MAP3K7CL: variants seen among roughly 807,000 people sequenced by gnomAD.
MAP3K7CL encodes MAP3K7 C-terminal-like protein.
Under a neutral mutation model 18.6 loss-of-function variants are expected in MAP3K7CL, and 16 were observed. The observed-to-expected ratio is 0.86, with a 90% confidence interval of 0.58 to 1.31. MAP3K7CL has a LOEUF of 1.31. Among genes scored for constraint, MAP3K7CL ranks in the 50% most tolerant of loss-of-function variants. The pLI, the probability that MAP3K7CL is intolerant of heterozygous loss-of-function variation, is 0.00. For synonymous variants in MAP3K7CL, 65 were observed against 66.8 expected, an observed-to-expected ratio of 0.97 and a Z score of 0.13; for missense variants, 163 against 174.4, an observed-to-expected ratio of 0.93 and a Z score of 0.37.
chr21:29,169,135 A>G (rs2087761855), intron 4 of MAP3K7CL, among the ~76,000 whole-genome samples: 1 of 152,196 alleles, frequency 6.6e-6, no homozygotes, highest in Non-Finnish European at 1.5e-5. Flanking sequence ...GACTTCCTAC[A>G]ACGCCAATGT....
intron 4 of MAP3K7CL, among the ~76,000 whole-genome samples, chr21:29,102,171 C>T (rs2086241040): frequency 6.6e-6 from 1 of 152,204 alleles, no homozygotes; most frequent in African/African-American, 2.4e-5. Context: ...AGATTATCTC[C>T]TTCTTTAGGG....
At chr21:29,149,276 T>C in intron 3 of MAP3K7CL, 26 bp downstream of exon 3, 1 of 1,601,250 alleles carries the variant, frequency 6.2e-7, no homozygotes, top group East Asian at 2.2e-5. Flanking sequence ...AAGTCTCTCT[T>C]CTTTCCTCCT....
intron 4 of MAP3K7CL, chr21:29,109,849 G>A (rs1418309783): frequency 2.1e-6 from 2 of 937,436 alleles, no homozygotes; most frequent in Non-Finnish European, 2.5e-6. Flanking sequence ...CCAGGAGTGG[G>A]ATTTCTGGGT....
intron 3 of MAP3K7CL, among the ~76,000 whole-genome samples, chr21:29,150,771 CTTT>C (rs34512099): frequency 1.6e-5 from 2 of 127,142 alleles, no homozygotes. Flanking sequence ...TCTACCTTTC[CTTT>C]TTTTTTTTTT....
chr21:29,141,179 T>A (rs2086998632), intron 2 of MAP3K7CL, among the ~76,000 whole-genome samples: 1 of 152,148 alleles, frequency 6.6e-6, no homozygotes, highest in Non-Finnish European at 1.5e-5. Flanking sequence ...ACTCACAAAA[T>A]GATAGCTACA....
chr21:29,101,334 A>C (rs2086226364), intron 4 of MAP3K7CL, among the ~76,000 whole-genome samples: 1 of 152,182 alleles, frequency 6.6e-6, no homozygotes, highest in Admixed American at 6.5e-5. Flanking sequence ...TCAAGTAATA[A>C]TGTCACCCAC....
chr21:29,130,620 T>C, upstream of MAP3K7CL: 2 of 985,482 alleles, frequency 2.0e-6, no homozygotes, highest in Non-Finnish European at 2.4e-6. Context: ...GGTTTTCTTT[T>C]GCTCTTGCTT....
At chr21:29,160,573 T>TACTCACTCATAACTTACTCACTCATAAC (rs2087522312) in intron 4 of MAP3K7CL, among the ~76,000 whole-genome samples, 2 of 152,220 alleles carry the variant, frequency 1.3e-5, no homozygotes, top group Non-Finnish European at 2.9e-5. Context: ...GCATTCTGAT[T>TACTCACTCATAACTTACTCACTCATAAC]TTACTCACTC....
chr21:29,089,238 A>G (rs1057433604), intron 1 of MAP3K7CL, among the ~76,000 whole-genome samples: 2 of 149,806 alleles, frequency 1.3e-5, no homozygotes, highest in African/African-American at 2.5e-5. Flanking sequence ...TGGATCTCCC[A>G]GACATAACCC....
At chr21:29,124,678 G>A (rs1384061349) in intron 4 of MAP3K7CL, among the ~76,000 whole-genome samples, 1 of 152,152 alleles carries the variant, frequency 6.6e-6, no homozygotes, top group African/African-American at 2.4e-5. Context: ...GCTAAGAATG[G>A]TTTTAATATT....
intron 4 of MAP3K7CL, among the ~76,000 whole-genome samples, chr21:29,124,912 G>A (rs1210709479): frequency 2.0e-5 from 3 of 152,148 alleles, no homozygotes; most frequent in Non-Finnish European, 4.4e-5. Flanking sequence ...AACAGAAAGT[G>A]TATGGCCTGA....
At chr21:29,128,428 G>A (rs1272906970), upstream of MAP3K7CL, among the ~76,000 whole-genome samples, 4 of 150,584 alleles carry the variant, frequency 2.7e-5, no homozygotes, top group Admixed American at 6.7e-5. Context: ...TCAGCCTCCC[G>A]AGTAGCTGGG....
chr21:29,117,249 A>T (rs1235895538), intron 4 of MAP3K7CL, among the ~76,000 whole-genome samples: 1 of 151,948 alleles, frequency 6.6e-6, no homozygotes, highest in African/African-American at 2.4e-5. Context: ...CTATTTGTGG[A>T]CTCTTCTAGG....
intron 4 of MAP3K7CL, among the ~76,000 whole-genome samples, chr21:29,120,805 C>A (rs915198493): frequency 1.3e-5 from 2 of 151,638 alleles, no homozygotes; most frequent in Admixed American, 6.6e-5. Context: ...GTGGCTCATG[C>A]CTATAATCCC....
At chr21:29,170,454 A>G (rs1431426502) in intron 4 of MAP3K7CL, among the ~76,000 whole-genome samples, 1 of 152,094 alleles carries the variant, frequency 6.6e-6, no homozygotes, top group Non-Finnish European at 1.5e-5. Context: ...ACATGAGGTT[A>G]GATATGGAGC....
chr21:29,162,280 A>T (rs1048054049), intron 4 of MAP3K7CL, among the ~76,000 whole-genome samples: 30 of 150,600 alleles, frequency 2.0e-4, no homozygotes, highest in African/African-American at 7.3e-4. Context: ...GTACTGGAGG[A>T]CTTTGTTATT....
intron 4 of MAP3K7CL, among the ~76,000 whole-genome samples, chr21:29,166,135 G>GAATA (rs34949627): frequency 6.6e-6 from 1 of 152,078 alleles, no homozygotes; most frequent in African/African-American, 2.4e-5. Flanking sequence ...TGTACTCACT[G>GAATA]AATAACCCCT....
At chr21:29,155,910 C>CGTTGTAT (rs2087393110) in intron 3 of MAP3K7CL, among the ~76,000 whole-genome samples, 1 of 152,138 alleles carries the variant, frequency 6.6e-6, no homozygotes, top group Non-Finnish European at 1.5e-5. Context: ...GAACTGGCTG[C>CGTTGTAT]GTTGTATAGT....
intron 3 of MAP3K7CL, among the ~76,000 whole-genome samples, chr21:29,153,185 A>G (rs2087318044): frequency 6.6e-6 from 1 of 152,230 alleles, no homozygotes. Context: ...AATGCAAAAT[A>G]TTGAGCAAGA....
Sources: allele counts gnomAD v4.1 joint callset (sites outside exome capture counted in the v4.1 genomes callset), GRCh38; gene constraint gnomAD v4.1.1; transcripts MANE v1.5; gene names NCBI Gene and HGNC (gene_info 2026-07-23, HGNC 2026-07-21).